The following MGMT variants were observed in gnomAD, a reference collection of about 807,000 sequenced individuals.
MGMT encodes O-6-methylguanine-DNA methyltransferase, also known as methylated-DNA--protein-cysteine methyltransferase.
Under a neutral mutation model 15.9 loss-of-function variants are expected in MGMT, and 14 were observed. That is an observed-to-expected ratio of 0.88 (90% CI 0.58 to 1.37). The LOEUF is 1.37. Among genes scored for constraint, MGMT ranks in the 40% most tolerant of loss-of-function variants. The pLI is 0.00. For missense variants in MGMT, 282 were observed against 268.1 expected (o/e 1.05, Z -0.36); for synonymous variants, 130 against 118.2 (o/e 1.10, Z -0.65).
At chr10:129,490,006 G>A (rs1845452270) in intron 1 of MGMT, among the ~76,000 whole-genome samples, 2 of 152,108 alleles carry the variant, frequency 1.3e-5, no homozygotes, top group Non-Finnish European at 2.9e-5. Flanking sequence ...ATTTTAAAGG[G>A]AAAACTGCTA....
chr10:129,653,895 G>A (rs1589917276), intron 2 of MGMT, among the ~76,000 whole-genome samples: 1 of 152,276 alleles, frequency 6.6e-6, no homozygotes, highest in East Asian at 1.9e-4. Flanking sequence ...CCTGTGCTGG[G>A]GATGAGAGGA....
At chr10:129,676,256 C>G (rs922110317) in intron 2 of MGMT, among the ~76,000 whole-genome samples, 21 of 152,228 alleles carry the variant, frequency 1.4e-4, no homozygotes, top group Non-Finnish European at 2.5e-4. Flanking sequence ...TGGCCGCCCC[C>G]CGACCTTCAT....
chr10:129,610,679 G>A (rs1002294549), intron 2 of MGMT, among the ~76,000 whole-genome samples: 2 of 152,208 alleles, frequency 1.3e-5, no homozygotes, highest in African/African-American at 4.8e-5. Flanking sequence ...GATTTCTTAT[G>A]GCTGTTTTCC....
chr10:129,728,497 G>A (rs1454745640), intron 3 of MGMT, among the ~76,000 whole-genome samples: 3 of 152,094 alleles, frequency 2.0e-5, no homozygotes, highest in African/African-American at 7.2e-5. Context: ...ACCTGATTAT[G>A]CCATCCTCAC....
chr10:129,625,324 A>G (rs1258129811), intron 2 of MGMT, among the ~76,000 whole-genome samples: 1 of 152,226 alleles, frequency 6.6e-6, no homozygotes, highest in Non-Finnish European at 1.5e-5. Context: ...AGCCCTTTCA[A>G]GGAATAGCAG....
At chr10:129,508,520 CT>C (rs11311009) in intron 1 of MGMT, among the ~76,000 whole-genome samples, 61,685 of 141,366 alleles carry the variant, frequency 0.44, 13,404 homozygotes, top group African/African-American at 0.54. Context: ...TTCTTTCTTT[CT>C]TTTTTTTTTT....
In MGMT at chr10:129,661,783, G is replaced by A. The variant is rs575115446; in HGVS notation, c.126-46112G>A. Among the ~76,000 whole-genome samples the A allele has an allele frequency of 6.6e-5, 10 of 152,190 alleles. No homozygotes were observed. The South Asian group carries it at 1.7e-3, about 25-fold the overall frequency. ...CTTTGAAGCGCCACTGTAAGATTTCGAAAAAGGACTATCTTGACTTACGGT... is the reference window on the plus strand; with the variant it reads ...CTTTGAAGCGCCACTGTAAGATTTCAAAAAAGGACTATCTTGACTTACGGT... On this transcript the variant is annotated intron_variant, in intron 2 of 4. Transcript: ENST00000651593.
chr10:129,646,071 G>A (rs1847385064), intron 2 of MGMT, among the ~76,000 whole-genome samples: 2 of 151,720 alleles, frequency 1.3e-5, no homozygotes, highest in South Asian at 4.2e-4. Context: ...GCATGATCCC[G>A]GTATGTGAAG....
At chr10:129,488,001 GTA>G (rs1491353705) in intron 1 of MGMT, among the ~76,000 whole-genome samples, 2,743 of 32,088 alleles carry the variant, frequency 0.085, 112 homozygotes, top group African/African-American at 0.24. Context: ...ACACACATAG[GTA>G]TACACACACA....
chr10:129,599,000 A>ACCCT (rs989328381), intron 2 of MGMT, among the ~76,000 whole-genome samples: 99 of 152,284 alleles, frequency 6.5e-4, no homozygotes, highest in African/African-American at 2.2e-3. Flanking sequence ...AATTGCTAAT[A>ACCCT]CCCTAGTTGG....
chr10:129,547,722 A>G (rs539253361), intron 2 of MGMT, among the ~76,000 whole-genome samples: 4 of 152,328 alleles, frequency 2.6e-5, no homozygotes, highest in South Asian at 4.1e-4. Flanking sequence ...GCATTAGGAA[A>G]TGCTCTGTCT....
In MGMT at chr10:129,615,846, A is replaced by G. The variant is rs138256801; in HGVS notation, c.125+79469A>G. On this transcript the variant is annotated intron_variant, in intron 2 of 4. Coordinates refer to ENST00000651593, the MANE Select transcript of MGMT (RefSeq NM_002412.5). ...GGGGAGAGACAGGAAGGGTCCAGGT[A>G]TAAGAAGAGCTGCCCACGGCAGGGG... Among the ~76,000 whole-genome samples, 67 of 152,236 alleles carry G rather than the reference A, an allele frequency of 4.4e-4. 2 individuals are homozygous for G. The East Asian group carries it at 0.011, about 25-fold the overall frequency.
intron 2 of MGMT, among the ~76,000 whole-genome samples, chr10:129,604,880 C>T (rs868721578): frequency 6.6e-5 from 10 of 152,136 alleles, no homozygotes; most frequent in African/African-American, 9.7e-5. Context: ...CTTCGGGCTG[C>T]GTCAATAAAG....
chr10:129,610,747 T>G (rs1846950314), intron 2 of MGMT, among the ~76,000 whole-genome samples: 1 of 152,220 alleles, frequency 6.6e-6, no homozygotes, highest in Non-Finnish European at 1.5e-5. Flanking sequence ...CTAAAATGTG[T>G]GTAATATCTG....
chr10:129,496,065 G>A (rs1164229884), intron 1 of MGMT, among the ~76,000 whole-genome samples: 4 of 152,020 alleles, frequency 2.6e-5, no homozygotes, highest in Admixed American at 2.0e-4. Context: ...AATGGGAGGC[G>A]GTTTTGTTTT....
At chr10:129,489,784 G>A (rs963151747) in intron 1 of MGMT, among the ~76,000 whole-genome samples, 49 of 151,868 alleles carry the variant, frequency 3.2e-4, no homozygotes, top group African/African-American at 1.1e-3. Context: ...ACTGATATGC[G>A]GAAATGCTAT....
intron 2 of MGMT, among the ~76,000 whole-genome samples, chr10:129,654,208 C>T (rs1031357520): frequency 4.6e-5 from 7 of 152,062 alleles, no homozygotes; most frequent in Non-Finnish European, 7.3e-5. Flanking sequence ...GTTTGGGATC[C>T]GAGAAGACGG....
intron 2 of MGMT, among the ~76,000 whole-genome samples, chr10:129,614,000 A>G (rs550914826): frequency 6.6e-6 from 1 of 152,332 alleles, no homozygotes; most frequent in East Asian, 1.9e-4. Flanking sequence ...CCAGCTCAGC[A>G]GCTGTCAGTG....
intron 2 of MGMT, among the ~76,000 whole-genome samples, chr10:129,681,797 A>G (rs79647163): frequency 0.055 from 8,315 of 152,268 alleles, 751 homozygotes; most frequent in African/African-American, 0.19. Flanking sequence ...GGAGGCACTC[A>G]CCAGCATATA....
Sources: allele counts gnomAD v4.1 joint callset (sites outside exome capture counted in the v4.1 genomes callset), GRCh38; gene constraint gnomAD v4.1.1; transcripts MANE v1.5; gene names NCBI Gene and HGNC (gene_info 2026-07-23, HGNC 2026-07-21).